Variants in CFHR4 observed in about 807,000 individuals in gnomAD.
CFHR4 encodes the protein complement factor H related 4.
CFHR4 carries 64 observed loss-of-function variants against 69.3 expected under a neutral mutation model. The observed-to-expected ratio is 0.92, with a 90% CI of 0.76 to 1.14. CFHR4 has a LOEUF of 1.14. Ranked by LOEUF, CFHR4 falls within the 50% of genes most tolerant of loss-of-function variation. The pLI is 0.00. For synonymous variants in CFHR4, 244 were observed against 237.0 expected (o/e 1.03, Z -0.27); for missense variants, 636 against 684.9 (o/e 0.93, Z 0.80).
intron 1 of CFHR4, among the ~76,000 whole-genome samples, chr1:196,898,284 G>T (rs1478067595): frequency 1.3e-5 from 2 of 151,444 alleles, no homozygotes; most frequent in Admixed American, 6.6e-5. Flanking sequence ...TAGTGGGTGG[G>T]TACCTACGTG....
chr1:196,907,511 T>A lies in CFHR4; in HGVS notation c.799+13T>A. ...CCAAGATGCATATGTAAGTTCTTAA[T>A]ATTCTGGATCTGAGAAAATTAGAGT... On this transcript the variant is annotated intron_variant, in intron 5 of 9. Coordinates refer to ENST00000608469, the MANE Select transcript of CFHR4 (RefSeq NM_001201550.3). 1 of 1,597,768 alleles carries A rather than the reference T, an allele frequency of 6.3e-7. No homozygotes were observed. The highest frequency in any genetic ancestry group is 8.6e-7 in the Non-Finnish European group (1 of 1,169,544).
Position 196,890,203 on chromosome 1 carries a change from G to A in CFHR4, c.58+1995G>A, listed in dbSNP as rs113576361. On this transcript the variant is annotated intron_variant, in intron 1 of 9. Transcript: ENST00000608469. Reference sequence around the variant, plus strand: ...ATTATATCTTGGCTGTATTGTCTTCGCTGAGTTTTGTCTAGTTGAATACTT... The same window carrying A: ...ATTATATCTTGGCTGTATTGTCTTCACTGAGTTTTGTCTAGTTGAATACTT... Among the ~76,000 whole-genome samples the A allele has an allele frequency of 3.0e-4, 45 of 151,390 alleles. 2 individuals are homozygous for A. The highest frequency in any genetic ancestry group is 1.4e-3 in the East Asian group (7 of 5,174).
rs568636492 is a variant in CFHR4, at chr1:196,913,040, TC to T, written c.1180+119del. ...TTAGGAGTAAAGAGATACAAATACT[TC>T]TAAAACCATTCAACATTCTGTGCCA... is the stretch of plus-strand genomic sequence containing the variant. On this transcript the variant is annotated intron_variant, in intron 7 of 9. Coordinates refer to ENST00000608469, the MANE Select transcript of CFHR4 (RefSeq NM_001201550.3). The T allele has an allele frequency of 5.9e-4, 892 of 1,522,320 alleles. 24 individuals are homozygous for T. The African/African-American group carries it at 0.011, about 19-fold the overall frequency. The allele number at this position is 1,522,320 out of a possible 1,614,324, so 94.3% of individuals were successfully genotyped here. A position where few individuals can be genotyped will look rare whatever the true frequency, so the allele number is the denominator to read the frequency against.
In CFHR4 at chr1:196,908,226, G is replaced by A. The variant is rs140583228; in HGVS notation, c.799+728G>A. Among the ~76,000 whole-genome samples, 207 of 151,346 alleles carry A rather than the reference G, an allele frequency of 1.4e-3. 7 individuals are homozygous for A. The highest frequency in any genetic ancestry group is 4.8e-3 in the African/African-American group (196 of 41,030). On this transcript the variant is annotated intron_variant, in intron 5 of 9. Coordinates refer to ENST00000608469, the MANE Select transcript of CFHR4 (RefSeq NM_001201550.3). ...TAATGTAGGTGATGGGTTGATGGGTGCAGCAAACCACCATGGCACATGTAT... is the reference window on the plus strand; with the variant it reads ...TAATGTAGGTGATGGGTTGATGGGTACAGCAAACCACCATGGCACATGTAT...
At chr1:196,907,545 T>A in intron 5 of CFHR4, 47 bp downstream of exon 5, 1 of 1,499,180 alleles carries the variant, frequency 6.7e-7, no homozygotes, top group Non-Finnish European at 9.2e-7. Context: ...GTAATAACTT[T>A]GATCCTTGTT....
At chr1:196,917,403 A>G (rs1283621721) in intron 9 of CFHR4, among the ~76,000 whole-genome samples, 29 of 151,760 alleles carry the variant, frequency 1.9e-4, no homozygotes, top group Non-Finnish European at 3.2e-4. Context: ...CATCCTGCAC[A>G]TGTACCCTGG....
chr1:196,902,743 C>A, intron 2 of CFHR4, 128 bp downstream of exon 2: 1 of 641,782 alleles, frequency 1.6e-6, no homozygotes, highest in Non-Finnish European at 2.6e-6. Flanking sequence ...AGCAAAAAGA[C>A]CAAAATGGAT....
intron 1 of CFHR4, among the ~76,000 whole-genome samples, chr1:196,891,138 G>A (rs181101055): frequency 6.6e-6 from 1 of 151,412 alleles, no homozygotes; most frequent in East Asian, 1.9e-4. Context: ...TGTAATTTCA[G>A]CTACTCAGGA....
At chr1:196,909,674 A>G (rs1163700478) in intron 5 of CFHR4, among the ~76,000 whole-genome samples, 1 of 151,228 alleles carries the variant, frequency 6.6e-6, no homozygotes, top group Admixed American at 6.6e-5. Context: ...AGGAGAGAAG[A>G]GGAGTGAATG....
intron 6 of CFHR4, among the ~76,000 whole-genome samples, chr1:196,912,455 G>T (rs924748855): frequency 2.0e-5 from 3 of 151,330 alleles, no homozygotes; most frequent in African/African-American, 7.3e-5. Context: ...TTAGGGACTT[G>T]AGAGTCTGCT....
At position 196,892,684 on chromosome 1, in the gene CFHR4, CAAG is replaced by C. The variant is rs544760406; in HGVS notation, c.58+4478_58+4480del. Among the ~76,000 whole-genome samples, 296 of 151,522 alleles carry C rather than the reference CAAG, an allele frequency of 2.0e-3. 10 individuals are homozygous for C. Among genetic ancestry groups the C allele is most frequent in the African/African-American group, 6.9e-3 (284 of 41,132 alleles). ...GAATATTATTCTATACCATTTATCT[CAAG>C]AGAACTAATCTTCAAAGGAAATAAA... On this transcript the variant is annotated intron_variant, in intron 1 of 9. Coordinates refer to ENST00000608469, the MANE Select transcript of CFHR4 (RefSeq NM_001201550.3).
chr1:196,893,149 T>C (rs1558235910), intron 1 of CFHR4, among the ~76,000 whole-genome samples: 2 of 151,754 alleles, frequency 1.3e-5, no homozygotes, highest in Admixed American at 6.6e-5. Flanking sequence ...GGTTTCAAAC[T>C]ATCACAGCAT....
At chr1:196,891,210 C>G (rs1657012636) in intron 1 of CFHR4, among the ~76,000 whole-genome samples, 1 of 151,558 alleles carries the variant, frequency 6.6e-6, no homozygotes, top group African/African-American at 2.4e-5. Flanking sequence ...CAAGATCACT[C>G]TACTGAACTC....
intron 1 of CFHR4, among the ~76,000 whole-genome samples, chr1:196,893,705 A>G (rs1170559121): frequency 6.6e-6 from 1 of 151,532 alleles, no homozygotes; most frequent in African/African-American, 2.4e-5. Flanking sequence ...CCCACATTAG[A>G]TTTATGTTTG....
At chr1:196,914,422 C>T in intron 7 of CFHR4, 73 bp from the exon 8 acceptor site, 2 of 1,483,376 alleles carry the variant, frequency 1.3e-6, no homozygotes, top group Non-Finnish European at 1.8e-6. Flanking sequence ...TTTATCCCTA[C>T]AATGGGACTT....
At position 196,895,709 on chromosome 1, in the gene CFHR4, T is replaced by C. The variant is rs146653634; in HGVS notation, c.59-6709T>C. On this transcript the variant is annotated intron_variant, in intron 1 of 9. Transcript: ENST00000608469. Reference sequence around the variant, plus strand: ...TCTTTACTTCTTTCAGTATCTTTAATACAGTTATTTTAAAGTTTCTAATAG... The same window carrying C: ...TCTTTACTTCTTTCAGTATCTTTAACACAGTTATTTTAAAGTTTCTAATAG... Among the ~76,000 whole-genome samples the C allele has an allele frequency of 1.7e-3, 263 of 151,602 alleles. 7 individuals are homozygous for C. The highest frequency in any genetic ancestry group is 6.2e-3 in the African/African-American group (256 of 41,186).
intron 1 of CFHR4, among the ~76,000 whole-genome samples, chr1:196,889,117 G>C (rs138030137): frequency 4.0e-5 from 6 of 151,462 alleles, no homozygotes; most frequent in Non-Finnish European, 7.4e-5. Context: ...AAATGTAATG[G>C]AGGATAATAT....
Position 196,889,029 on chromosome 1 carries a change from CATG to C in CFHR4, c.58+822_58+824del, listed in dbSNP as rs1656882854. Among the ~76,000 whole-genome samples the C allele has an allele frequency of 1.3e-5, 2 of 151,362 alleles. 1 individual carries two copies. The highest frequency in any genetic ancestry group is 4.9e-5 in the African/African-American group (2 of 41,088). ...CAGTGGAACCACATGGGTCAAAAAT[CATG>C]GACAATCAAAGGTGTGTCACCATTA... On this transcript the variant is annotated intron_variant, in intron 1 of 9. Coordinates refer to ENST00000608469, the MANE Select transcript of CFHR4 (RefSeq NM_001201550.3).
rs139894072 is a variant in CFHR4 at position 196,897,817 on chromosome 1, G to C, written c.59-4601G>C. Reference sequence around the variant, plus strand: ...TGGAGGGCCAAAAGGCAACATTTTGGACAGGAAAACAGACATGCCTGTCCT... The same window carrying C: ...TGGAGGGCCAAAAGGCAACATTTTGCACAGGAAAACAGACATGCCTGTCCT... On this transcript the variant is annotated intron_variant, in intron 1 of 9. Transcript: ENST00000608469. 2.0e-5 allele frequency among the ~76,000 whole-genome samples: 3 copies of C among 151,490 alleles called. No individual in the cohort carries two copies. In the East Asian group the frequency reaches 5.8e-4, roughly 29 times the overall value.
Sources: allele counts gnomAD v4.1 joint callset (sites outside exome capture counted in the v4.1 genomes callset), GRCh38; gene constraint gnomAD v4.1.1; transcripts MANE v1.5; gene names NCBI Gene and HGNC (gene_info 2026-07-23, HGNC 2026-07-21).